The following USP25 variants were observed in gnomAD, a reference collection of about 807,000 sequenced individuals.
USP25 encodes ubiquitin carboxyl-terminal hydrolase 25.
Under a neutral mutation model 158.5 loss-of-function variants are expected in USP25, and 85 were observed. That is an observed-to-expected ratio of 0.54 (90% CI 0.45 to 0.64). USP25 has a LOEUF of 0.64. USP25 is among the 30% of genes least tolerant of loss of function. USP25 has a pLI of 0.00. For missense variants in USP25, 1,242 were observed against 1,327.3 expected, an observed-to-expected ratio of 0.94 and a Z score of 1.00; for synonymous variants, 464 against 460.4, an observed-to-expected ratio of 1.01 and a Z score of -0.10.
rs368680183 is a variant in USP25, at chr21:15,874,406, T to C, written c.2889T>C (p.Tyr963=). ...IGLENFQRES[Y]IDSLLFLICA... ...ATGTTTCTTTTTAATTTTCAAGTTA[T>C]ATAGATTCCTTGCTGTTCCTCATCT... Residue 963 remains tyrosine (Y), a synonymous_variant, in exon 24 of 26, where the codon TAT becomes TAC. Transcript: ENST00000400183. 2.5e-5 allele frequency: 40 copies of C among 1,602,668 alleles called. No individual in the cohort carries two copies. Among genetic ancestry groups the C allele is most frequent in the Non-Finnish European group, 2.9e-5 (34 of 1,174,698 alleles).
At chr21:15,849,622 T>C (rs980479478) in intron 19 of USP25, among the ~76,000 whole-genome samples, 155 bp from the exon 20 acceptor site, 5 of 152,208 alleles carry the variant, frequency 3.3e-5, no homozygotes, top group Non-Finnish European at 7.4e-5. Flanking sequence ...ATGGATGATC[T>C]TAAAAGGTGC....
At chr21:15,864,140 T>G in intron 20 of USP25, 128 bp from the exon 21 acceptor site, 1 of 917,964 alleles carries the variant, frequency 1.1e-6, no homozygotes, top group Non-Finnish European at 1.6e-6. Context: ...ACTGCCTTGT[T>G]TGTGATACTT....
intron 4 of USP25, among the ~76,000 whole-genome samples, chr21:15,788,952 C>T (rs77307105): frequency 0.076 from 11,561 of 152,038 alleles, 503 homozygotes; most frequent in East Asian, 0.093. Flanking sequence ...TTGATCTCTG[C>T]AAAGAAAGTT....
At position 15,842,390 on chromosome 21, in the gene USP25, T is replaced by C. The variant is rs749271801; in HGVS notation, c.2195-8T>C. The stretch of plus-strand genomic sequence containing the variant: ...ATTAGATATATAATTGATTCTTTTC[T>C]CATGAAGCACAAGCAGCAGGAGACC... On this transcript the variant is annotated splice_region_variant and splice_polypyrimidine_tract_variant and intron_variant, in intron 17 of 25. Transcript: ENST00000400183. 4 of 1,612,182 alleles carry C rather than the reference T, an allele frequency of 2.5e-6. No homozygotes were observed. The highest frequency in any genetic ancestry group is 3.4e-6 in the Non-Finnish European group (4 of 1,179,318).
Position 15,855,776 on chromosome 21 carries a change from A to G in USP25, c.2547+5904A>G, listed in dbSNP as rs565158742. On this transcript the variant is annotated intron_variant, in intron 20 of 25. Transcript: ENST00000400183. ...ACCACCAACTAGGCCAAGAGGTAGA[A>G]CAGGAGTACTCCAGAAGTACCTTTT... Among the ~76,000 whole-genome samples, 5 of 152,336 alleles carry G rather than the reference A, an allele frequency of 3.3e-5. No homozygotes were observed. In the Middle Eastern group the frequency reaches 0.014, roughly 415 times the overall value.
chr21:15,782,775 C>T (rs115836802), intron 4 of USP25, among the ~76,000 whole-genome samples: 325 of 152,166 alleles, frequency 2.1e-3, no homozygotes, highest in African/African-American at 7.4e-3. Flanking sequence ...GAAAGCTGCT[C>T]GTTAAAATTG....
chr21:15,759,587 T>C (rs1196033509), intron 1 of USP25, among the ~76,000 whole-genome samples: 1 of 152,206 alleles, frequency 6.6e-6, no homozygotes, highest in East Asian at 1.9e-4. Flanking sequence ...TGAGTTATTA[T>C]CAATAGAAAG....
chr21:15,731,763 TAA>T (rs1310108371), intron 1 of USP25, among the ~76,000 whole-genome samples: 1 of 152,210 alleles, frequency 6.6e-6, no homozygotes, highest in Non-Finnish European at 1.5e-5. Context: ...AATGAGAATT[TAA>T]AAGAGTTTCC....
chr21:15,869,899 T>C (rs2039813967), intron 22 of USP25, among the ~76,000 whole-genome samples, 169 bp from the exon 23 acceptor site: 2 of 152,222 alleles, frequency 1.3e-5, no homozygotes, highest in African/African-American at 4.8e-5. Flanking sequence ...ATAAATAGTC[T>C]TGTGTGCCAG....
Position 15,826,297 on chromosome 21 carries a change from T to C in USP25, c.1398T>C (p.Thr466=). Residue 466 remains threonine, a synonymous_variant, in exon 13 of 26, where the codon ACT becomes ACC. Coordinates refer to ENST00000400183, the MANE Select transcript of USP25 (RefSeq NM_001283041.3). This position sits in a 1 kb window ranked among gnomAD's most constrained non-coding sequence, Gnocchi z 4.8. Reference sequence around the variant, plus strand: ...TTGCCTCAAGTAAACCTGTTTGCACTTCTCCTGTTGACGATATTGACGCTA... The same window carrying C: ...TTGCCTCAAGTAAACCTGTTTGCACCTCTCCTGTTGACGATATTGACGCTA... The part of the protein sequence containing the change: ...LEFASSKPVC[T]SPVDDIDASS... 2 of 1,614,132 alleles carry C rather than the reference T, an allele frequency of 1.2e-6. No homozygotes were observed. Among genetic ancestry groups the C allele is most frequent in the Non-Finnish European group, 1.7e-6 (2 of 1,179,976 alleles).
At chr21:15,758,111 C>CCAGAA (rs1184278403) in intron 1 of USP25, among the ~76,000 whole-genome samples, 3 of 152,152 alleles carry the variant, frequency 2.0e-5, no homozygotes, top group Non-Finnish European at 2.9e-5. Context: ...AGACCTTAAC[C>CCAGAA]CAGACCCTCT....
chr21:15,864,053 T>A lies in USP25; in HGVS notation c.2548-215T>A, dbSNP rs201021996. ...CTTCTTTTTTTTTTTTTTTTTTTTT[T>A]AAAAGAAGGGCCTTTGTGGTCAGTT... On this transcript the variant is annotated intron_variant, in intron 20 of 25. Coordinates refer to ENST00000400183, the MANE Select transcript of USP25 (RefSeq NM_001283041.3). 2.7e-4 allele frequency among the ~76,000 whole-genome samples: 37 copies of A among 134,842 alleles called. No homozygotes were observed. The highest frequency in any genetic ancestry group is 4.1e-3 in the Middle Eastern group (1 of 242). The allele number at this position is 134,842 out of a possible 152,430, so 88.5% of individuals were successfully genotyped here.
chr21:15,793,474 G>A (rs1439560598), intron 5 of USP25, among the ~76,000 whole-genome samples: 1 of 148,456 alleles, frequency 6.7e-6, no homozygotes, highest in African/African-American at 2.5e-5. Flanking sequence ...TAAGAAGGAG[G>A]GAATGGGCTA....
At chr21:15,742,237 G>A (rs1397916169) in intron 1 of USP25, among the ~76,000 whole-genome samples, 4 of 152,024 alleles carry the variant, frequency 2.6e-5, no homozygotes, top group Non-Finnish European at 5.9e-5. Flanking sequence ...GGTGGTGTGT[G>A]GTGAGAGGTC....
intron 5 of USP25, among the ~76,000 whole-genome samples, chr21:15,796,439 A>G (rs1016160663): frequency 2.6e-5 from 4 of 151,454 alleles, no homozygotes; most frequent in African/African-American, 9.7e-5. Context: ...ATAGTCATAG[A>G]GTGAGCTTGT....
chr21:15,739,470 G>A (rs1355376055), intron 1 of USP25, among the ~76,000 whole-genome samples: 2 of 152,100 alleles, frequency 1.3e-5, no homozygotes, highest in Non-Finnish European at 2.9e-5. Flanking sequence ...TGGTGGTGGA[G>A]GGGTGCTGGT....
rs147298931 is a variant in USP25 at position 15,749,059 on chromosome 21, C to T, written c.46-13832C>T. Among the ~76,000 whole-genome samples, 107 of 151,334 alleles carry T rather than the reference C, an allele frequency of 7.1e-4. No individual in the cohort carries two copies. The East Asian group carries it at 0.015, about 21-fold the overall frequency. On this transcript the variant is annotated intron_variant, in intron 1 of 25. Transcript: ENST00000400183. ...TCTTAAGCTATAGCTCAGTAAATGCCGATATTTCCATGTTGAACTGAACAG... is the reference window on the plus strand; with the variant it reads ...TCTTAAGCTATAGCTCAGTAAATGCTGATATTTCCATGTTGAACTGAACAG...
chr21:15,754,421 A>G (rs1197432866), intron 1 of USP25, among the ~76,000 whole-genome samples: 1 of 152,220 alleles, frequency 6.6e-6, no homozygotes, highest in African/African-American at 2.4e-5. Context: ...TTATGGTCTC[A>G]TTGATAACTT....
chr21:15,794,148 C>G (rs1237821525), intron 5 of USP25, among the ~76,000 whole-genome samples: 1 of 151,494 alleles, frequency 6.6e-6, no homozygotes, highest in Non-Finnish European at 1.5e-5. Flanking sequence ...ATATATTGAC[C>G]AGTTATAGAA....
Sources: gnomAD v4.1 joint callset for allele counts (sites outside exome capture counted in the v4.1 genomes callset) on GRCh38, gnomAD v4.1.1 for gene constraint, Gnocchi (gnomAD v3.1) non-coding constraint, MANE v1.5 for transcripts, NCBI Gene and HGNC (gene_info 2026-07-23, HGNC 2026-07-21) for gene names.